The following SDK1 variants were observed in gnomAD, a reference collection of about 807,000 sequenced individuals.
SDK1 encodes protein sidekick-1.
A neutral mutation model predicts 245.5 loss-of-function variants in SDK1; 157 were observed. The ratio of observed to expected loss-of-function variants is 0.64; its 90% CI spans 0.56 to 0.73. SDK1 has a LOEUF of 0.73. Among genes scored for constraint, SDK1 ranks in the 30% least tolerant of loss-of-function variants. The probability of loss-of-function intolerance (pLI) is 0.00; values close to 1 mark genes in which losing one functional copy is unlikely to be tolerated. For synonymous variants in SDK1, 1,647 were observed against 1,278.5 expected, an observed-to-expected ratio of 1.29 and a Z score of -6.15; for missense variants, 3,583 against 3,002.3, an observed-to-expected ratio of 1.19 and a Z score of -4.52.
In SDK1 at chr7:4,006,318, G is replaced by C. The variant is rs1414866959; in HGVS notation, c.2132-4648G>C. On this transcript the variant is annotated intron_variant, in intron 14 of 44. Transcript: ENST00000404826. ...TGTAGAACGGAGCCTGGCTGGGGAA[G>C]TGTAAAATCCCTCAGTCTTCTAGAT... Among the ~76,000 whole-genome samples the C allele has an allele frequency of 2.6e-5, 4 of 152,200 alleles. No homozygotes were observed. The East Asian group carries it at 7.7e-4, about 29-fold the overall frequency.
chr7:3,672,097 G>A (rs1339269199), intron 4 of SDK1, among the ~76,000 whole-genome samples: 3 of 152,110 alleles, frequency 2.0e-5, no homozygotes, highest in Non-Finnish European at 2.9e-5. Flanking sequence ...AGGTCTTGGA[G>A]GAGTTTTCCT....
At chr7:3,733,753 T>C (rs1779243425) in intron 4 of SDK1, among the ~76,000 whole-genome samples, 1 of 152,192 alleles carries the variant, frequency 6.6e-6, no homozygotes, top group Admixed American at 6.5e-5. Flanking sequence ...TGCTTCTCTC[T>C]GTTGTACTTA....
Position 3,891,034 on chromosome 7 carries a change from T to G in SDK1, c.848-59889T>G, listed in dbSNP as rs944198615. 1.4e-4 allele frequency among the ~76,000 whole-genome samples: 21 copies of G among 152,274 alleles called. No individual in the cohort carries two copies. In the East Asian group the frequency reaches 4.1e-3, roughly 29 times the overall value. ...TAGCTGGGCTCTATGTGTTTTACATTTTGGGACCCAGGCTCTGGTGGAGCC... is the reference window on the plus strand; with the variant it reads ...TAGCTGGGCTCTATGTGTTTTACATGTTGGGACCCAGGCTCTGGTGGAGCC... On this transcript the variant is annotated intron_variant, in intron 5 of 44. Transcript: ENST00000404826.
chr7:3,735,982 C>A (rs540464824), intron 4 of SDK1, among the ~76,000 whole-genome samples: 1 of 152,210 alleles, frequency 6.6e-6, no homozygotes, highest in East Asian at 1.9e-4. Flanking sequence ...CTTTTGTAAA[C>A]CTTCTTTGGA....
chr7:3,921,134 A>AT (rs1359379729), intron 5 of SDK1, among the ~76,000 whole-genome samples: 5 of 152,232 alleles, frequency 3.3e-5, no homozygotes, highest in Admixed American at 6.5e-5. Flanking sequence ...AAGGACATAT[A>AT]TGTAACTCAT....
At chr7:3,412,468 A>G (rs1461057361) in intron 1 of SDK1, among the ~76,000 whole-genome samples, 1 of 152,146 alleles carries the variant, frequency 6.6e-6, no homozygotes, top group Non-Finnish European at 1.5e-5. Context: ...TTTTTGTTAA[A>G]TGGCACTGCA....
At chr7:3,673,643 T>G (rs1457826504) in intron 4 of SDK1, among the ~76,000 whole-genome samples, 2 of 152,218 alleles carry the variant, frequency 1.3e-5, no homozygotes, top group East Asian at 3.9e-4. Flanking sequence ...TCTGCTTTGC[T>G]AATGCATTAG....
chr7:3,384,672 G>A (rs1393079545), intron 1 of SDK1, among the ~76,000 whole-genome samples: 1 of 152,148 alleles, frequency 6.6e-6, no homozygotes, highest in African/African-American at 2.4e-5. Context: ...AGCTTCCCTT[G>A]CCACATCGCG....
intron 4 of SDK1, among the ~76,000 whole-genome samples, chr7:3,748,172 A>G (rs1241251700): frequency 2.0e-5 from 3 of 152,206 alleles, no homozygotes; most frequent in South Asian, 2.1e-4. Flanking sequence ...GGTACAAAAC[A>G]GCATGTTTGG....
At position 3,639,029 on chromosome 7, in the gene SDK1, C is replaced by T. The variant is rs1394327800; in HGVS notation, c.484C>T (p.Leu162Phe). The change falls in exon 3 of 45, where the codon CTC becomes TTC. Residue 162 changes from leucine to phenylalanine, a missense_variant. Coordinates refer to ENST00000404826, the MANE Select transcript of SDK1 (RefSeq NM_152744.4). Reference sequence around the variant, plus strand: ...GTACATTATTCCATCTTTGCAGAAGCTCGATGCTGGGTTTTACCGCTGCGT... The same window carrying T: ...GTACATTATTCCATCTTTGCAGAAGTTCGATGCTGGGTTTTACCGCTGCGT... ...YKYIIPSLQK[L>F]DAGFYRCVVR... 4 of 1,603,852 alleles carry T rather than the reference C, an allele frequency of 2.5e-6. No individual in the cohort carries two copies. The highest frequency in any genetic ancestry group is 2.2e-5 in the East Asian group (1 of 44,688).
rs1338856044 is a variant in SDK1 at position 3,715,717 on chromosome 7, A to C, written c.713+73612A>C. ...TAAATAGGACAAGGAGTCTTAACATAATATCGAAAACGTCCACAGAGAATG... is the reference window on the plus strand; with the variant it reads ...TAAATAGGACAAGGAGTCTTAACATCATATCGAAAACGTCCACAGAGAATG... On this transcript the variant is annotated intron_variant, in intron 4 of 44. Coordinates refer to ENST00000404826, the MANE Select transcript of SDK1 (RefSeq NM_152744.4). Among the ~76,000 whole-genome samples, 3 of 152,218 alleles carry C rather than the reference A, an allele frequency of 2.0e-5. No homozygotes were observed. The East Asian group carries it at 5.8e-4, about 29-fold the overall frequency.
intron 1 of SDK1, among the ~76,000 whole-genome samples, chr7:3,583,534 A>G (rs908590741): frequency 6.6e-6 from 1 of 152,240 alleles, no homozygotes; most frequent in Non-Finnish European, 1.5e-5. Context: ...TGTCTAGTTC[A>G]TAGCACTGAT....
chr7:4,228,785 A>C (rs888448606), intron 40 of SDK1, among the ~76,000 whole-genome samples: 1 of 152,046 alleles, frequency 6.6e-6, no homozygotes, highest in African/African-American at 2.4e-5. Context: ...TGATCTGTCT[A>C]CCTCGGTCTC....
At chr7:3,347,142 A>C (rs1780529836) in intron 1 of SDK1, among the ~76,000 whole-genome samples, 1 of 151,680 alleles carries the variant, frequency 6.6e-6, no homozygotes, top group South Asian at 2.1e-4. Flanking sequence ...TGCCTCTTGC[A>C]TCCAGACGTT....
At chr7:3,534,821 T>C (rs1697553960) in intron 1 of SDK1, among the ~76,000 whole-genome samples, 1 of 152,246 alleles carries the variant, frequency 6.6e-6, no homozygotes. Context: ...TGGAAATAGA[T>C]GCCGGCAGTT....
intron 17 of SDK1, among the ~76,000 whole-genome samples, chr7:4,030,269 T>C (rs1207742768): frequency 6.6e-6 from 1 of 152,214 alleles, no homozygotes; most frequent in Non-Finnish European, 1.5e-5. Context: ...TTAGATATCT[T>C]TGTGACATTC....
intron 5 of SDK1, among the ~76,000 whole-genome samples, chr7:3,908,200 A>G (rs530530129): frequency 1.4e-4 from 21 of 152,308 alleles, no homozygotes; most frequent in Non-Finnish European, 1.2e-4. Flanking sequence ...CCGTGCGCAT[A>G]ACCCGGATGA....
At chr7:3,501,244 C>T (rs1041060046) in intron 1 of SDK1, among the ~76,000 whole-genome samples, 12 of 152,176 alleles carry the variant, frequency 7.9e-5, no homozygotes, top group Admixed American at 1.3e-4. Flanking sequence ...GAGAATTCCT[C>T]TTGGACTGAT....
chr7:4,197,526 A>G (rs1204008354), intron 35 of SDK1, among the ~76,000 whole-genome samples: 1 of 152,136 alleles, frequency 6.6e-6, no homozygotes, highest in Admixed American at 6.5e-5. Context: ...TTCCACAAGG[A>G]GAAAAAGAAT....
Sources: allele counts gnomAD v4.1 joint callset (sites outside exome capture counted in the v4.1 genomes callset), GRCh38; gene constraint gnomAD v4.1.1; transcripts MANE v1.5; gene names NCBI Gene and HGNC (gene_info 2026-07-23, HGNC 2026-07-21).